The following RBM38 variants were observed in gnomAD, a reference collection of about 807,000 sequenced individuals.
The protein encoded by RBM38 is RNA binding motif protein 38, also known as RNA-binding protein 38.
RBM38 carries 11 observed loss-of-function variants against 23.5 expected under a neutral mutation model. The observed-to-expected ratio is 0.47, with a 90% confidence interval of 0.29 to 0.77. RBM38 has a LOEUF of 0.77. RBM38 is among the 30% of genes least tolerant of loss of function. RBM38 has a pLI of 0.08. For synonymous variants in RBM38, 165 were observed against 166.1 expected (o/e 0.99, Z 0.05); for missense variants, 330 against 351.9 (o/e 0.94, Z 0.50).
intron 3 of RBM38, among the ~76,000 whole-genome samples, chr20:57,405,428 G>A (rs1013686090): frequency 2.0e-5 from 3 of 152,240 alleles, no homozygotes; most frequent in African/African-American, 7.2e-5. Context: ...CTGGGGAGAG[G>A]GACAGGAGGC....
chr20:57,392,798 G>T (rs773463028), intron 2 of RBM38, 21 bp downstream of exon 2: 2 of 1,608,356 alleles, frequency 1.2e-6, no homozygotes, highest in Admixed American at 1.7e-5. Flanking sequence ...GTGTTTTCCT[G>T]CCTGGCTCTT....
chr20:57,396,935 A>G (rs2067280675), intron 3 of RBM38, among the ~76,000 whole-genome samples: 1 of 152,246 alleles, frequency 6.6e-6, no homozygotes, highest in Admixed American at 6.5e-5. Flanking sequence ...CACAGAGGCC[A>G]CAACAGGCTT....
At chr20:57,400,377 G>A (rs1027134966) in intron 3 of RBM38, among the ~76,000 whole-genome samples, 14 of 152,176 alleles carry the variant, frequency 9.2e-5, no homozygotes, top group South Asian at 4.1e-4. Context: ...GACCAGGCTC[G>A]GGGTCCCCCT....
At chr20:57,405,744 C>T (rs6099607) in intron 3 of RBM38, among the ~76,000 whole-genome samples, 2,286 of 151,932 alleles carry the variant, frequency 0.015, 51 homozygotes, top group African/African-American at 0.053. Context: ...CCCTGAGGGT[C>T]CCTGGCTCTG....
chr20:57,405,620 G>C (rs1209965816), intron 3 of RBM38, among the ~76,000 whole-genome samples: 1 of 152,224 alleles, frequency 6.6e-6, no homozygotes, highest in Non-Finnish European at 1.5e-5. Context: ...AGATGGGGTG[G>C]GGGGAGCAAG....
rs2067215031 is a variant in RBM38, at chr20:57,391,602, G to T, written c.21G>T (p.Pro7=). 5.1e-6 allele frequency: 7 copies of T among 1,385,312 alleles called. No homozygotes were observed. The highest frequency in any genetic ancestry group is 4.3e-5 in the South Asian group (3 of 69,482). The allele number at this position is 1,385,312 out of a possible 1,614,324, so 85.8% of individuals were successfully genotyped here. A position where few individuals can be genotyped will look rare whatever the true frequency, so the allele number is the denominator to read the frequency against. MLLQPA[P]CAPSAGFPRP... is the part of the protein sequence containing the mutation. Reference sequence around the variant, plus strand: ...CCCCCATGCTGCTGCAGCCCGCGCCGTGCGCCCCGAGCGCGGGCTTCCCGC... The same window carrying T: ...CCCCCATGCTGCTGCAGCCCGCGCCTTGCGCCCCGAGCGCGGGCTTCCCGC... The change falls in exon 1 of 4, where the codon CCG becomes CCT. Residue 7 remains proline, a synonymous_variant. Transcript: ENST00000356208.
At chr20:57,392,044 C>T (rs934911865) in intron 1 of RBM38, among the ~76,000 whole-genome samples, 3 of 135,896 alleles carry the variant, frequency 2.2e-5, no homozygotes, top group African/African-American at 8.0e-5. Flanking sequence ...CCACCCCCAC[C>T]CCCGGTTTAA....
intron 3 of RBM38, among the ~76,000 whole-genome samples, chr20:57,401,597 T>G (rs896304743): frequency 1.3e-5 from 2 of 152,220 alleles, no homozygotes; most frequent in Non-Finnish European, 2.9e-5. Flanking sequence ...GCTGAGACCC[T>G]GCTCTTGTGG....
At chr20:57,395,335 C>T (rs981502106) in intron 3 of RBM38, among the ~76,000 whole-genome samples, 3 of 152,004 alleles carry the variant, frequency 2.0e-5, no homozygotes, top group African/African-American at 4.8e-5. Context: ...TGGTGGGGGA[C>T]GGTGGGAAGG....
chr20:57,401,149 C>G (rs1209512986), intron 3 of RBM38, among the ~76,000 whole-genome samples: 1 of 152,212 alleles, frequency 6.6e-6, no homozygotes, highest in African/African-American at 2.4e-5. Context: ...GCTGAAAGTC[C>G]TAGGAGAGGG....
rs2067392406 is a variant in RBM38, at chr20:57,407,016, C to T, written c.417-527C>T. ...CTCAAAAAAAAAAAAAAAAACAAACCCTGTGAGGAGCAGGTGTTGGCTGGG... is the reference window on the plus strand; with the variant it reads ...CTCAAAAAAAAAAAAAAAAACAAACTCTGTGAGGAGCAGGTGTTGGCTGGG... On this transcript the variant is annotated intron_variant, in intron 3 of 3. Transcript: ENST00000356208. This position sits in a 1 kb window ranked among gnomAD's most constrained non-coding sequence, Gnocchi z 4.0. Among the ~76,000 whole-genome samples the T allele has an allele frequency of 6.7e-6, 1 of 149,810 alleles. No individual in the cohort carries two copies. Among genetic ancestry groups the T allele is most frequent in the Non-Finnish European group, 1.5e-5 (1 of 67,810 alleles).
intron 3 of RBM38, among the ~76,000 whole-genome samples, chr20:57,395,818 GAACA>G (rs1021696792): frequency 2.6e-5 from 4 of 152,240 alleles, no homozygotes; most frequent in Admixed American, 1.3e-4. Flanking sequence ...TTGTCTTTGT[GAACA>G]ATCAGGCCCC....
chr20:57,393,099 C>T, intron 2 of RBM38, 180 bp from the exon 3 acceptor site: 3 of 679,960 alleles, frequency 4.4e-6, no homozygotes, highest in Admixed American at 2.5e-5. Context: ...GCGTCACTCA[C>T]TGCCACACTT....
chr20:57,398,189 CTT>C (rs1190087151), intron 3 of RBM38, among the ~76,000 whole-genome samples: 1 of 151,900 alleles, frequency 6.6e-6, no homozygotes, highest in African/African-American at 2.4e-5. Flanking sequence ...TCTTGGGAGT[CTT>C]TTATTATTTT....
At chr20:57,404,064 G>A (rs931313408) in intron 3 of RBM38, among the ~76,000 whole-genome samples, 7 of 152,336 alleles carry the variant, frequency 4.6e-5, no homozygotes, top group South Asian at 2.1e-4. Flanking sequence ...GCTCACCCAC[G>A]CTTGTGTTTG....
At chr20:57,395,801 G>A (rs564309533) in intron 3 of RBM38, among the ~76,000 whole-genome samples, 181 of 152,296 alleles carry the variant, frequency 1.2e-3, no homozygotes, top group Middle Eastern at 3.4e-3. Context: ...GGCCGTCAGC[G>A]TCCCTTTTGT....
intron 3 of RBM38, among the ~76,000 whole-genome samples, chr20:57,398,138 A>AG (rs2067293164): frequency 6.6e-6 from 1 of 152,004 alleles, no homozygotes; most frequent in African/African-American, 2.4e-5. Context: ...GGGATGGAGG[A>AG]GGTAGGGTAC....
At chr20:57,392,312 A>G in intron 1 of RBM38, 2 of 838,948 alleles carry the variant, frequency 2.4e-6, no homozygotes, top group Non-Finnish European at 3.6e-6. Context: ...TCCTTCTCAG[A>G]GGAAAGTCTC....
intron 3 of RBM38, among the ~76,000 whole-genome samples, chr20:57,398,224 C>T (rs959866273): frequency 2.0e-5 from 3 of 151,518 alleles, no homozygotes; most frequent in Non-Finnish European, 2.9e-5. Flanking sequence ...GAAACAAAGC[C>T]AGAGGAGCTG....
Sources: gnomAD v4.1 joint callset for allele counts (sites outside exome capture counted in the v4.1 genomes callset) on GRCh38, gnomAD v4.1.1 for gene constraint, Gnocchi (gnomAD v3.1) non-coding constraint, MANE v1.5 for transcripts, NCBI Gene and HGNC (gene_info 2026-07-23, HGNC 2026-07-21) for gene names.